The following STX8 variants were observed in gnomAD, a reference collection of about 807,000 sequenced individuals.
The protein encoded by STX8 is syntaxin 8.
STX8 carries 23 observed loss-of-function variants against 37.5 expected under a neutral mutation model. The observed-to-expected ratio is 0.61, with a 90% CI of 0.44 to 0.87. STX8 has a LOEUF of 0.87. Ranked by LOEUF, STX8 falls within the 40% of genes least tolerant of loss-of-function variation. The pLI is 0.00. For missense variants in STX8, 313 were observed against 284.7 expected (o/e 1.10, Z -0.71); for synonymous variants, 115 against 99.1 (o/e 1.16, Z -0.95).
At chr17:9,362,708 G>A (rs1473355695) in intron 7 of STX8, among the ~76,000 whole-genome samples, 1 of 151,856 alleles carries the variant, frequency 6.6e-6, no homozygotes, top group African/African-American at 2.4e-5. Context: ...TGTAGTCCCA[G>A]CTACTAGGGA....
chr17:9,312,872 G>C (rs1909241863), intron 7 of STX8, among the ~76,000 whole-genome samples: 1 of 152,072 alleles, frequency 6.6e-6, no homozygotes, highest in African/African-American at 2.4e-5. Flanking sequence ...GCGTCCCCAG[G>C]CATCCTCCAG....
At position 9,368,922 on chromosome 17, in the gene STX8, CT is replaced by C. The variant is rs71830909; in HGVS notation, c.643+9629del. Among the ~76,000 whole-genome samples the C allele has an allele frequency of 4.8e-3, 693 of 145,152 alleles. 2 individuals are homozygous for C. Among genetic ancestry groups the C allele is most frequent in the East Asian group, 8.8e-3 (44 of 5,024 alleles). ...TCTTAAGTCCTATCTACCTTTTACCCTTTTTTTTTTTTTTTAAAGAAACAGG... is the reference window on the plus strand; with the variant it reads ...TCTTAAGTCCTATCTACCTTTTACCCTTTTTTTTTTTTTTAAAGAAACAGG... On this transcript the variant is annotated intron_variant, in intron 7 of 7. Transcript: ENST00000306357.
At chr17:9,492,006 G>T in intron 5 of STX8, 85 bp from the exon 6 acceptor site, 1 of 891,734 alleles carries the variant, frequency 1.1e-6, no homozygotes, top group Non-Finnish European at 1.7e-6. Flanking sequence ...TATAACACAA[G>T]TTGACATATA....
intron 7 of STX8, among the ~76,000 whole-genome samples, chr17:9,336,585 G>A (rs4239102): frequency 0.79 from 120,066 of 151,996 alleles, 48,883 homozygotes; most frequent in East Asian, 0.93. Context: ...GCAGGCGCCC[G>A]CCAACACGTC....
chr17:9,570,331 T>C (rs780574028), intron 1 of STX8, among the ~76,000 whole-genome samples: 6 of 152,138 alleles, frequency 3.9e-5, no homozygotes, highest in Non-Finnish European at 8.8e-5. Context: ...CTTTACACTG[T>C]AAACTTCATA....
rs528106119 is a variant in STX8, at chr17:9,522,909, GAA to G, written c.324-17749_324-17748del. The stretch of plus-strand genomic sequence containing the variant: ...TAATTTACAGTTTTTTGAATAGCTA[GAA>G]GAGAGGATTATGAATGTTATCAACA... On this transcript the variant is annotated intron_variant, in intron 4 of 7. Coordinates refer to ENST00000306357, the MANE Select transcript of STX8 (RefSeq NM_004853.3). Among the ~76,000 whole-genome samples the G allele has an allele frequency of 9.9e-5, 15 of 152,248 alleles. No individual in the cohort carries two copies. In the East Asian group the frequency reaches 2.9e-3, roughly 29 times the overall value.
Position 9,380,925 on chromosome 17 carries a change from G to A in STX8, c.542-2272C>T, listed in dbSNP as rs1418987986. ...AGATGGGGTTTCACCATGTTGGCCA[G>A]GCTGGTCTCGAACTCCTGACCTCAA... On this transcript the variant is annotated intron_variant, in intron 6 of 7. Coordinates refer to ENST00000306357, the MANE Select transcript of STX8 (RefSeq NM_004853.3). Among the ~76,000 whole-genome samples, 3 of 151,860 alleles carry A rather than the reference G, an allele frequency of 2.0e-5. No homozygotes were observed. The East Asian group carries it at 5.8e-4, about 29-fold the overall frequency.
chr17:9,514,280 T>C (rs1188852395), intron 4 of STX8, among the ~76,000 whole-genome samples: 6 of 152,180 alleles, frequency 3.9e-5, no homozygotes, highest in Non-Finnish European at 1.5e-5. Flanking sequence ...ATGTACCCCA[T>C]AAATATGTAT....
chr17:9,328,460 C>A (rs1216820037), intron 7 of STX8, among the ~76,000 whole-genome samples: 1 of 152,146 alleles, frequency 6.6e-6, no homozygotes, highest in Non-Finnish European at 1.5e-5. Flanking sequence ...CCAACAAGGT[C>A]ATCTGGTCCA....
chr17:9,296,041 T>A (rs2142170074), intron 7 of STX8, among the ~76,000 whole-genome samples: 1 of 152,036 alleles, frequency 6.6e-6, no homozygotes, highest in Non-Finnish European at 1.5e-5. Flanking sequence ...ATACAAAAAA[T>A]TAGCCGGGGG....
chr17:9,335,492 G>C (rs2142223196), intron 7 of STX8, among the ~76,000 whole-genome samples: 1 of 152,150 alleles, frequency 6.6e-6, no homozygotes. Flanking sequence ...GCAATCAAAT[G>C]TCAATGTGAG....
At chr17:9,354,627 AC>A (rs1234446488) in intron 7 of STX8, among the ~76,000 whole-genome samples, 2 of 150,198 alleles carry the variant, frequency 1.3e-5, no homozygotes, top group African/African-American at 4.9e-5. Flanking sequence ...GCCCATATTT[AC>A]TCTTAACATA....
intron 4 of STX8, among the ~76,000 whole-genome samples, chr17:9,533,874 C>A (rs1469044804): frequency 6.6e-6 from 1 of 152,196 alleles, no homozygotes; most frequent in African/African-American, 2.4e-5. Flanking sequence ...CAGGGCTCCA[C>A]TGCTCAGAGA....
intron 6 of STX8, among the ~76,000 whole-genome samples, chr17:9,434,451 C>T (rs1282782337): frequency 6.6e-6 from 1 of 152,214 alleles, no homozygotes; most frequent in Admixed American, 6.5e-5. Flanking sequence ...CACTAAAGGA[C>T]TTGTGGCAGG....
At chr17:9,363,242 G>A (rs1252435754) in intron 7 of STX8, among the ~76,000 whole-genome samples, 3 of 152,200 alleles carry the variant, frequency 2.0e-5, no homozygotes, top group African/African-American at 7.2e-5. Context: ...GACATAAAGT[G>A]ATTTTGCCTC....
At chr17:9,380,585 G>A (rs961432967) in intron 6 of STX8, among the ~76,000 whole-genome samples, 2 of 151,750 alleles carry the variant, frequency 1.3e-5, no homozygotes, top group African/African-American at 4.8e-5. Context: ...ATATAGTCAT[G>A]TGCCACATGA....
chr17:9,266,895 T>C (rs902933195), intron 7 of STX8, among the ~76,000 whole-genome samples: 6 of 152,182 alleles, frequency 3.9e-5, no homozygotes, highest in Non-Finnish European at 8.8e-5. Context: ...ACATTTGTCA[T>C]AGTTATTCAG....
intron 7 of STX8, among the ~76,000 whole-genome samples, chr17:9,275,900 G>A (rs986509307): frequency 2.6e-5 from 4 of 151,722 alleles, no homozygotes; most frequent in African/African-American, 7.3e-5. Context: ...AAAAAAGGGC[G>A]GGGGATAACA....
chr17:9,562,433 G>A (rs578041435), intron 2 of STX8, among the ~76,000 whole-genome samples: 5 of 150,938 alleles, frequency 3.3e-5, no homozygotes, highest in South Asian at 2.1e-4. Context: ...ACTTTCACAC[G>A]ACAAAACTAC....
Sources: gnomAD v4.1 joint callset for allele counts (sites outside exome capture counted in the v4.1 genomes callset) on GRCh38, gnomAD v4.1.1 for gene constraint, MANE v1.5 for transcripts, NCBI Gene and HGNC (gene_info 2026-07-23, HGNC 2026-07-21) for gene names.